The following AXIN1 variants were observed in gnomAD, a reference collection of about 807,000 sequenced individuals.
AXIN1 encodes the protein axin-1.
A neutral mutation model predicts 76.4 loss-of-function variants in AXIN1; 30 were observed. The observed-to-expected ratio is 0.39, with a 90% confidence interval of 0.29 to 0.53. AXIN1 has a LOEUF of 0.53. AXIN1 is among the 20% of genes least tolerant of loss of function. AXIN1 has a pLI of 0.66. For missense variants in AXIN1, 1,140 were observed against 1,198.8 expected, an observed-to-expected ratio of 0.95 and a Z score of 0.72; for synonymous variants, 545 against 501.4, an observed-to-expected ratio of 1.09 and a Z score of -1.16.
At chr16:322,317 G>A (rs1343122755) in intron 2 of AXIN1, among the ~76,000 whole-genome samples, 2 of 152,226 alleles carry the variant, frequency 1.3e-5, no homozygotes, top group African/African-American at 4.8e-5. Flanking sequence ...TGGTAGTGCG[G>A]TCTAACGGGA....
chr16:339,196 C>CA (rs1002630324), intron 2 of AXIN1, among the ~76,000 whole-genome samples: 3,767 of 33,428 alleles, frequency 0.11, 215 homozygotes, highest in Non-Finnish European at 0.15. Context: ...AGCCTGGTCT[C>CA]AAAAAAAAAA....
chr16:289,286 G>A (rs2052482958), intron 10 of AXIN1, among the ~76,000 whole-genome samples, 154 bp downstream of exon 10: 1 of 152,026 alleles, frequency 6.6e-6, no homozygotes, highest in Non-Finnish European at 1.5e-5. Flanking sequence ...GGCTGGTCTC[G>A]AACTGCTGAG....
intron 5 of AXIN1, among the ~76,000 whole-genome samples, chr16:303,263 A>T (rs1198270301): frequency 6.6e-6 from 1 of 152,218 alleles, no homozygotes; most frequent in Non-Finnish European, 1.5e-5. Flanking sequence ...GGGTGGAGCC[A>T]CAGAAGTCTG....
chr16:306,628 T>G (rs376415962), intron 4 of AXIN1, among the ~76,000 whole-genome samples: 1 of 152,228 alleles, frequency 6.6e-6, no homozygotes, highest in South Asian at 2.1e-4. Context: ...AAAGGCCTCC[T>G]CCAGGCTCAG....
chr16:324,918 T>G (rs2053546183), intron 2 of AXIN1, among the ~76,000 whole-genome samples: 1 of 152,132 alleles, frequency 6.6e-6, no homozygotes, highest in Non-Finnish European at 1.5e-5. Context: ...GCACAGTTCC[T>G]AAGGGCGCAG....
At chr16:304,077 G>C (rs1029430304) in intron 5 of AXIN1, among the ~76,000 whole-genome samples, 7 of 152,232 alleles carry the variant, frequency 4.6e-5, no homozygotes, top group Non-Finnish European at 8.8e-5. Context: ...AGGTGACCAA[G>C]GTGGGTCTCT....
chr16:321,418 A>C (rs1245073306), intron 2 of AXIN1, among the ~76,000 whole-genome samples: 1 of 152,252 alleles, frequency 6.6e-6, no homozygotes, highest in East Asian at 1.9e-4. Flanking sequence ...TGTGTTGTTA[A>C]AAGTAAGTTC....
intron 1 of AXIN1, among the ~76,000 whole-genome samples, chr16:351,326 G>A (rs1308536808): frequency 1.3e-5 from 2 of 151,502 alleles, no homozygotes; most frequent in South Asian, 2.1e-4. Flanking sequence ...TATCTTAGAA[G>A]GGGCCAGGCG....
At position 291,283 on chromosome 16, in the gene AXIN1, A is replaced by G. The variant is rs2141476658; in HGVS notation, c.2201T>C (p.Val734Ala). ...GACGCAGGCGCGTCCCCGCCGCATA[A>G]CCTCCTGCACATACCTAGGGAACAA... ...APSKQRYVQEVMRRGRACVRP... is the reference protein window; with the variant it reads ...APSKQRYVQEAMRRGRACVRP... Residue 734 changes from valine (V) to alanine (A), a missense_variant, in exon 9 of 11, where the codon GTT becomes GCT. This residue lies in a region of AXIN1 where 429 missense variants were observed against 405.8 expected (regional missense o/e 1.06). Coordinates refer to ENST00000262320, the MANE Select transcript of AXIN1 (RefSeq NM_003502.4). 1 of 1,579,464 alleles carries G rather than the reference A, an allele frequency of 6.3e-7. No individual in the cohort carries two copies. The highest frequency in any genetic ancestry group is 1.2e-5 in the South Asian group (1 of 86,830).
intron 4 of AXIN1, among the ~76,000 whole-genome samples, chr16:307,733 T>C (rs1437459093): frequency 6.6e-6 from 1 of 152,190 alleles, no homozygotes; most frequent in Non-Finnish European, 1.5e-5. Flanking sequence ...TGCAGAGCCA[T>C]GGACTCACCA....
At chr16:309,286 C>G (rs920792009) in intron 4 of AXIN1, among the ~76,000 whole-genome samples, 2 of 132,268 alleles carry the variant, frequency 1.5e-5, no homozygotes, top group African/African-American at 3.0e-5. Flanking sequence ...CAGCAAAACT[C>G]CTATCTCAAA....
intron 7 of AXIN1, among the ~76,000 whole-genome samples, chr16:294,081 A>G (rs1596983643): frequency 6.6e-6 from 1 of 152,162 alleles, no homozygotes; most frequent in African/African-American, 2.4e-5. Context: ...GAATGGCTGG[A>G]ACTGGGGAAG....
intron 2 of AXIN1, among the ~76,000 whole-genome samples, chr16:343,980 C>T (rs2141692560): frequency 6.6e-6 from 1 of 151,304 alleles, no homozygotes; most frequent in Non-Finnish European, 1.5e-5. Flanking sequence ...TGCACTCCAG[C>T]CTGTGTGACA....
chr16:303,804 C>T (rs532414385), intron 5 of AXIN1, among the ~76,000 whole-genome samples: 1 of 152,204 alleles, frequency 6.6e-6, no homozygotes, highest in Admixed American at 6.5e-5. Context: ...AGCAAAGAGT[C>T]CTACAACACA....
intron 2 of AXIN1, among the ~76,000 whole-genome samples, chr16:322,588 G>A (rs1399187345): frequency 1.3e-5 from 2 of 152,168 alleles, no homozygotes; most frequent in Non-Finnish European, 2.9e-5. Flanking sequence ...CTGGCTGTCC[G>A]CGAGGCAAAG....
At chr16:349,084 A>G (rs569664688) in intron 1 of AXIN1, among the ~76,000 whole-genome samples, 21 of 152,050 alleles carry the variant, frequency 1.4e-4, no homozygotes, top group Non-Finnish European at 7.4e-5. Flanking sequence ...CTTGGGCGAC[A>G]GAGTGAGACT....
chr16:296,843 C>T (rs966899734), intron 7 of AXIN1, among the ~76,000 whole-genome samples: 4 of 152,154 alleles, frequency 2.6e-5, no homozygotes, highest in Non-Finnish European at 4.4e-5. Context: ...CAGGGACAGC[C>T]TCTCTCTGGG....
chr16:301,650 G>A (rs1485203269), intron 5 of AXIN1, among the ~76,000 whole-genome samples: 2 of 152,090 alleles, frequency 1.3e-5, no homozygotes, highest in Non-Finnish European at 2.9e-5. Flanking sequence ...TTTAAAAAAT[G>A]TCTCACTCAA....
intron 5 of AXIN1, among the ~76,000 whole-genome samples, chr16:298,733 A>G (rs1247331348): frequency 6.6e-6 from 1 of 151,634 alleles, no homozygotes; most frequent in Admixed American, 6.6e-5. Flanking sequence ...CTGGTCTCGA[A>G]TGCCTGAGCT....
Sources: allele counts gnomAD v4.1 joint callset (sites outside exome capture counted in the v4.1 genomes callset), GRCh38; gene constraint gnomAD v4.1.1; regional missense constraint gnomAD v4.1.1; transcripts MANE v1.5; gene names NCBI Gene and HGNC (gene_info 2026-07-23, HGNC 2026-07-21).